Variants in TBC1D22A observed in about 807,000 individuals in gnomAD.
The protein encoded by TBC1D22A is putative GTPase activator.
A neutral mutation model predicts 60.2 loss-of-function variants in TBC1D22A; 38 were observed. The ratio of observed to expected loss-of-function variants is 0.63; its 90% confidence interval spans 0.49 to 0.83. The LOEUF (loss-of-function observed/expected upper bound fraction) is 0.83. Among genes scored for constraint, TBC1D22A ranks in the 40% least tolerant of loss-of-function variants. The probability of loss-of-function intolerance (pLI) is 0.00; values close to 1 mark genes in which losing one functional copy is unlikely to be tolerated. For missense variants in TBC1D22A, 628 were observed against 701.0 expected, an observed-to-expected ratio of 0.90 and a Z score of 1.18; for synonymous variants, 302 against 281.7, an observed-to-expected ratio of 1.07 and a Z score of -0.72.
chr22:46,937,739 G>C (rs1244260988), intron 8 of TBC1D22A, among the ~76,000 whole-genome samples: 5 of 152,096 alleles, frequency 3.3e-5, no homozygotes, highest in Admixed American at 6.5e-5. Context: ...GTGTGGAGGT[G>C]GAATTAATGT....
At chr22:47,047,518 G>C (rs569256461) in intron 11 of TBC1D22A, among the ~76,000 whole-genome samples, 6 of 152,296 alleles carry the variant, frequency 3.9e-5, no homozygotes, top group Middle Eastern at 3.4e-3. Context: ...AGACAGCCCC[G>C]AGCGGAGCAG....
intron 10 of TBC1D22A, among the ~76,000 whole-genome samples, chr22:47,002,635 G>C (rs556318815): frequency 6.6e-6 from 1 of 152,344 alleles, no homozygotes; most frequent in East Asian, 1.9e-4. Flanking sequence ...CTGCATTTCA[G>C]ATCAGAGAAT....
In TBC1D22A at chr22:46,787,831, G is replaced by A. The variant is rs565902250; in HGVS notation, c.63-4689G>A. 2.0e-5 allele frequency among the ~76,000 whole-genome samples: 3 copies of A among 152,160 alleles called. No individual in the cohort carries two copies. In the South Asian group the frequency reaches 6.2e-4, roughly 32 times the overall value. ...TATGACAAAATGTTGGAATTTGGGG[G>A]AAGTGAATCTCTGGGTGGTGTCTGT... On this transcript the variant is annotated intron_variant, in intron 1 of 12. Coordinates refer to ENST00000337137, the MANE Select transcript of TBC1D22A (RefSeq NM_014346.5).
At chr22:47,056,253 GTGCCCTTGGGGCTCTGTA>G (rs2063390389) in intron 11 of TBC1D22A, among the ~76,000 whole-genome samples, 1 of 151,978 alleles carries the variant, frequency 6.6e-6, no homozygotes, top group Non-Finnish European at 1.5e-5. Flanking sequence ...CATGACCTGG[GTGCCCTTGGGGCTCTGTA>G]TGTAAAGTTC....
At chr22:47,044,710 C>T (rs548709891) in intron 11 of TBC1D22A, among the ~76,000 whole-genome samples, 3 of 152,328 alleles carry the variant, frequency 2.0e-5, no homozygotes, top group East Asian at 1.9e-4. Flanking sequence ...TTCAGCAGGA[C>T]GTGGCTCACT....
At chr22:47,006,355 G>A (rs939141243) in intron 10 of TBC1D22A, among the ~76,000 whole-genome samples, 1 of 152,222 alleles carries the variant, frequency 6.6e-6, no homozygotes, top group Non-Finnish European at 1.5e-5. Context: ...ATTAGTTTTG[G>A]TCAATTTCTG....
intron 4 of TBC1D22A, among the ~76,000 whole-genome samples, chr22:46,852,047 G>A (rs1445748110): frequency 6.6e-6 from 1 of 152,186 alleles, no homozygotes; most frequent in African/African-American, 2.4e-5. Flanking sequence ...TGGGCACTGT[G>A]GTGGGGCTCA....
At chr22:47,031,304 G>A (rs2062463397) in intron 10 of TBC1D22A, among the ~76,000 whole-genome samples, 1 of 152,214 alleles carries the variant, frequency 6.6e-6, no homozygotes, top group East Asian at 1.9e-4. Flanking sequence ...TGCCTTGTCT[G>A]TTTCCTACAG....
intron 10 of TBC1D22A, among the ~76,000 whole-genome samples, chr22:47,001,572 C>T (rs1386985012): frequency 1.3e-5 from 2 of 151,666 alleles, no homozygotes; most frequent in East Asian, 1.9e-4. Flanking sequence ...TGTCGTTTTG[C>T]TTCAGGTCAG....
chr22:46,774,867 C>T (rs117630983), intron 1 of TBC1D22A, among the ~76,000 whole-genome samples: 11 of 152,318 alleles, frequency 7.2e-5, no homozygotes, highest in African/African-American at 1.9e-4. Context: ...TTCTCATGTG[C>T]GCTGTGTGCA....
chr22:47,131,002 C>T lies in TBC1D22A; in HGVS notation c.1425+19399C>T, dbSNP rs149135601. 2.9e-3 allele frequency among the ~76,000 whole-genome samples: 443 copies of T among 152,216 alleles called. 1 individual carries two copies. Among genetic ancestry groups the T allele is most frequent in the African/African-American group, 0.01 (425 of 41,536 alleles). On this transcript the variant is annotated intron_variant, in intron 12 of 12. Transcript: ENST00000337137. ...AAGCTTTTCCTTATGGTGAGAGGCA[C>T]GGGGAGCCGGCGTGTCACGTGGCGA...
At chr22:46,987,876 C>G (rs757644848) in intron 9 of TBC1D22A, among the ~76,000 whole-genome samples, 38 of 152,130 alleles carry the variant, frequency 2.5e-4, no homozygotes, top group Non-Finnish European at 4.7e-4. Flanking sequence ...CAGAGCTACT[C>G]GATGGCATTT....
chr22:46,817,407 T>C (rs1293615219), intron 4 of TBC1D22A, among the ~76,000 whole-genome samples: 1 of 152,154 alleles, frequency 6.6e-6, no homozygotes, highest in Non-Finnish European at 1.5e-5. Flanking sequence ...TTCCCTCCCC[T>C]CACCCGCCCA....
chr22:46,839,262 A>T (rs12166312), intron 4 of TBC1D22A, among the ~76,000 whole-genome samples: 1 of 151,654 alleles, frequency 6.6e-6, no homozygotes, highest in Non-Finnish European at 1.5e-5. Flanking sequence ...AGAATGAAAT[A>T]TGATACTTTG....
intron 11 of TBC1D22A, among the ~76,000 whole-genome samples, chr22:47,080,648 A>G (rs2064425395): frequency 6.6e-6 from 1 of 151,910 alleles, no homozygotes; most frequent in South Asian, 2.1e-4. Context: ...TATATGAATG[A>G]AAAGAAGAAG....
chr22:47,005,865 A>AC (rs200225816), intron 10 of TBC1D22A, among the ~76,000 whole-genome samples: 6,711 of 148,556 alleles, frequency 0.045, 245 homozygotes, highest in African/African-American at 0.095. Flanking sequence ...CTATACAGAC[A>AC]CCCCCATATA....
rs1259323519 is a variant in TBC1D22A at position 47,111,579 on chromosome 22, A to C, written c.1401A>C (p.Glu467Asp). ...CTTTTCTCGTGAGATGGAGGAAGGAAATACTAGAAGAAAAAGATTTTCAAG... is the reference window on the plus strand; with the variant it reads ...CTTTTCTCGTGAGATGGAGGAAGGACATACTAGAAGAAAAAGATTTTCAAG... Reference protein sequence around the residue: ...CAAFLVRWRKEILEEKDFQEL... With the variant: ...CAAFLVRWRKDILEEKDFQEL... The change falls in exon 12 of 13, where the codon GAA (glutamate) becomes GAC (aspartate). Residue 467 changes from glutamate (E) to aspartate (D), a missense_variant. Physicochemically the swap from Glu to Asp is conservative, Grantham distance 45 (BLOSUM62 2). Transcript: ENST00000337137. 2.5e-6 allele frequency: 4 copies of C among 1,614,058 alleles called. No homozygotes were observed. The East Asian group carries it at 8.9e-5, about 36-fold the overall frequency.
intron 4 of TBC1D22A, among the ~76,000 whole-genome samples, chr22:46,802,069 G>T (rs1407847351): frequency 1.3e-5 from 2 of 152,238 alleles, no homozygotes; most frequent in African/African-American, 2.4e-5. Context: ...TACTCATGAA[G>T]TGGCTCAACC....
intron 4 of TBC1D22A, among the ~76,000 whole-genome samples, chr22:46,823,244 G>A (rs879364276): frequency 3.9e-5 from 6 of 152,178 alleles, no homozygotes; most frequent in Non-Finnish European, 5.9e-5. Context: ...GATTCATGGT[G>A]ACCCACAGCC....
Sources: allele counts gnomAD v4.1 joint callset (sites outside exome capture counted in the v4.1 genomes callset), GRCh38; gene constraint gnomAD v4.1.1; transcripts MANE v1.5; gene names NCBI Gene and HGNC (gene_info 2026-07-23, HGNC 2026-07-21).